Variants in CHD1L observed in about 807,000 individuals in gnomAD.
CHD1L encodes the protein chromodomain helicase DNA binding protein 1 like.
In CHD1L, 118 loss-of-function variants were observed where a neutral mutation model predicts 115.9. The ratio of observed to expected loss-of-function variants is 1.02; its 90% CI spans 0.88 to 1.19. CHD1L has a LOEUF of 1.19. CHD1L is among the 50% of genes most tolerant of loss of function. CHD1L has a pLI of 0.00. For synonymous variants in CHD1L, 411 were observed against 387.1 expected (o/e 1.06, Z -0.72); for missense variants, 1,179 against 1,065.3 (o/e 1.11, Z -1.49).
At chr1:147,274,728 T>C (rs1375380609) in intron 12 of CHD1L, among the ~76,000 whole-genome samples, 1 of 152,096 alleles carries the variant, frequency 6.6e-6, no homozygotes, top group African/African-American at 2.4e-5. Flanking sequence ...TCAGAGTAAA[T>C]GACAAGAGTG....
chr1:147,295,356 T>C, intron 22 of CHD1L, 75 bp from the exon 23 acceptor site: 2 of 928,842 alleles, frequency 2.2e-6, no homozygotes, highest in South Asian at 2.7e-5. Flanking sequence ...ATTTCAATAA[T>C]TACTAGAGAA....
the CHD1L span, chr1:147,175,574 T>C: frequency 6.6e-6 from 1 of 151,894 alleles, no homozygotes; most frequent in East Asian, 1.9e-4. Flanking sequence ...TCACACACAC[T>C]CACTGTCTCT....
At chr1:147,285,084 A>G (rs1396282378) in intron 16 of CHD1L, among the ~76,000 whole-genome samples, 1 of 152,230 alleles carries the variant, frequency 6.6e-6, no homozygotes, top group Non-Finnish European at 1.5e-5. Context: ...GACTGTTTCA[A>G]CCATGCCAAT....
the CHD1L span, among the ~76,000 whole-genome samples, chr1:147,217,990 A>G: frequency 6.6e-6 from 1 of 152,238 alleles, no homozygotes; most frequent in Admixed American, 6.5e-5. Flanking sequence ...AGAAAGGGAT[A>G]TACAGAATAA....
the CHD1L span, chr1:147,186,813 A>G: frequency 3.3e-6 from 5 of 1,516,712 alleles, no homozygotes; most frequent in African/African-American, 7.0e-5. Flanking sequence ...TCTGGGCAAT[A>G]TGAAACTGAG....
chr1:147,274,008 A>G (rs979193839), intron 12 of CHD1L, among the ~76,000 whole-genome samples: 4 of 152,244 alleles, frequency 2.6e-5, no homozygotes, highest in Non-Finnish European at 4.4e-5. Context: ...CTTAGACAAC[A>G]TGAATTCAAG....
the CHD1L span, among the ~76,000 whole-genome samples, chr1:147,177,468 C>T: frequency 6.6e-6 from 1 of 152,088 alleles, no homozygotes; most frequent in Non-Finnish European, 1.5e-5. Context: ...TAATTCTCCA[C>T]CCCATAAGCA....
At chr1:147,292,391 A>G (rs781822641) in intron 20 of CHD1L, among the ~76,000 whole-genome samples, 3 of 152,226 alleles carry the variant, frequency 2.0e-5, no homozygotes, top group Admixed American at 1.3e-4. Flanking sequence ...AGTTTGATTT[A>G]CCCCACCTAC....
At chr1:147,242,601 G>A (rs782302656), upstream of CHD1L, 2 of 1,155,732 alleles carry the variant, frequency 1.7e-6, no homozygotes, top group Admixed American at 4.3e-5. Context: ...GCGGCGCCTC[G>A]CTCGTAGGTG....
intron 6 of CHD1L, among the ~76,000 whole-genome samples, chr1:147,261,160 C>A (rs1328450861): frequency 1.3e-5 from 2 of 152,154 alleles, no homozygotes; most frequent in African/African-American, 4.8e-5. Flanking sequence ...CCCTGGTGTC[C>A]TTTGCTTTCT....
intron 6 of CHD1L, 132 bp from the exon 7 acceptor site, chr1:147,264,290 A>G (rs1386562185): frequency 1.4e-5 from 11 of 784,306 alleles, no homozygotes; most frequent in Admixed American, 9.1e-5. Context: ...AACCTGAGCC[A>G]TCTGATTTCA....
At chr1:147,294,764 G>A (rs1277206534) in intron 22 of CHD1L, among the ~76,000 whole-genome samples, 1 of 152,170 alleles carries the variant, frequency 6.6e-6, no homozygotes, top group Non-Finnish European at 1.5e-5. Context: ...ACATGAAGGG[G>A]AGAATTAATT....
intron 1 of CHD1L, among the ~76,000 whole-genome samples, chr1:147,245,373 C>T (rs1553933232): frequency 2.6e-5 from 4 of 152,174 alleles, no homozygotes; most frequent in African/African-American, 9.7e-5. Context: ...ATTTTGTTAT[C>T]ATGGATTGTG....
intron 7 of CHD1L, among the ~76,000 whole-genome samples, chr1:147,264,924 A>G (rs375200394): frequency 6.6e-6 from 1 of 152,246 alleles, no homozygotes; most frequent in African/African-American, 2.4e-5. Context: ...CCTGAGGGAG[A>G]AAAGAATGTG....
In CHD1L at chr1:147,267,340, G is replaced by C; in HGVS notation, c.896-86G>C. ...AAAGGATATAATTGAAATGATTAAG[G>C]TTACTTGTAAAAACTCAGGGTTTTG... On this transcript the variant is annotated intron_variant, in intron 8 of 22. Transcript: ENST00000369258. 4 of 899,872 alleles carry C rather than the reference G, an allele frequency of 4.4e-6. No individual in the cohort carries two copies. The South Asian group carries it at 4.7e-5, about 11-fold the overall frequency. 55.7% of individuals were successfully genotyped at this position (899,872 alleles called of 1,614,324 possible).
the CHD1L span, among the ~76,000 whole-genome samples, chr1:147,214,311 T>C: frequency 1.3e-5 from 2 of 151,862 alleles, no homozygotes; most frequent in African/African-American, 4.8e-5. Flanking sequence ...AATTAGTGGG[T>C]GTGGTGGCAC....
At chr1:147,186,507 C>T in the CHD1L span, 1 of 990,910 alleles carries the variant, frequency 1.0e-6, no homozygotes, top group Non-Finnish European at 1.2e-6. Context: ...CAAACCCTAT[C>T]AGAAGAAGAG....
the CHD1L span, among the ~76,000 whole-genome samples, chr1:147,185,853 C>T: frequency 1.3e-5 from 2 of 152,170 alleles, no homozygotes; most frequent in Non-Finnish European, 2.9e-5. Context: ...GGGATGTAAA[C>T]CCAAGTACCT....
the CHD1L span, among the ~76,000 whole-genome samples, chr1:147,229,724 C>T: frequency 6.6e-6 from 1 of 152,118 alleles, no homozygotes; most frequent in African/African-American, 2.4e-5. Context: ...AGGTACTTCA[C>T]ATCCCTTGTA....
Sources: allele counts gnomAD v4.1 joint callset (sites outside exome capture counted in the v4.1 genomes callset), GRCh38; gene constraint gnomAD v4.1.1; transcripts MANE v1.5; gene names NCBI Gene and HGNC (gene_info 2026-07-23, HGNC 2026-07-21).